Variants in CYTH3 observed in about 807,000 individuals in gnomAD.
CYTH3 encodes cytohesin 3, also known as cytohesin-3.
CYTH3 carries 23 observed loss-of-function variants against 55.1 expected under a neutral mutation model. The ratio of observed to expected loss-of-function variants is 0.42; its 90% confidence interval spans 0.30 to 0.59. The LOEUF is 0.59. Ranked by LOEUF, CYTH3 falls within the 20% of genes least tolerant of loss-of-function variation. The pLI, the probability that CYTH3 is intolerant of heterozygous loss-of-function variation, is 0.20. For missense variants in CYTH3, 413 were observed against 524.8 expected (o/e 0.79, Z 2.08); for synonymous variants, 249 against 194.9 (o/e 1.28, Z -2.31).
intron 1 of CYTH3, among the ~76,000 whole-genome samples, chr7:6,256,519 C>G (rs563824198): frequency 6.6e-6 from 1 of 152,356 alleles, no homozygotes; most frequent in Non-Finnish European, 1.5e-5. Flanking sequence ...ACAGTCCGCT[C>G]TTCACCAGAA....
At chr7:6,216,341 T>C (rs916562664) in intron 1 of CYTH3, among the ~76,000 whole-genome samples, 5 of 152,134 alleles carry the variant, frequency 3.3e-5, no homozygotes, top group Non-Finnish European at 7.4e-5. Context: ...TAGATGGTAA[T>C]TATATAAAAA....
In CYTH3 at chr7:6,210,724, CACA is replaced by C. The variant is rs1784302606; in HGVS notation, c.35-20196_35-20194del. 3.3e-5 allele frequency among the ~76,000 whole-genome samples: 5 copies of C among 152,296 alleles called. No homozygotes were observed. The South Asian group carries it at 1.0e-3, about 32-fold the overall frequency. On this transcript the variant is annotated intron_variant, in intron 1 of 12. Transcript: ENST00000350796. ...TTTCATTAACTCTGATGGATTCTGA[CACA>C]ACTTCACACATCATCTTGAGTAGTG...
chr7:6,190,530 C>T lies in CYTH3; in HGVS notation c.36G>A (p.Val12=), dbSNP rs780929167. 3.2e-5 allele frequency: 48 copies of T among 1,503,280 alleles called. No homozygotes were observed. Among genetic ancestry groups the T allele is most frequent in the South Asian group, 1.7e-4 (13 of 77,224 alleles). The allele number at this position is 1,503,280 out of a possible 1,614,324, so 93.1% of individuals were successfully genotyped here. A position where few individuals can be genotyped will look rare whatever the true frequency, so the allele number is the denominator to read the frequency against. ...DEDGGGEGGG[V]PEDLSLEERE... ...TCTCTTCTAATGAGAGGTCTTCAGG[C>T]ACTGAAAGAAGAAAAAAATAATTAA... is the stretch of plus-strand genomic sequence containing the variant. The change falls in exon 2 of 13, where the codon GTG becomes GTA. Residue 12 remains valine, a splice_region_variant and synonymous_variant. Transcript: ENST00000350796.
intron 4 of CYTH3, among the ~76,000 whole-genome samples, chr7:6,184,842 T>A (rs2128542528): frequency 6.6e-6 from 1 of 152,286 alleles, no homozygotes; most frequent in Admixed American, 6.5e-5. Flanking sequence ...CCTCCTAAAG[T>A]GCTGGGATTA....
At chr7:6,186,355 G>A (rs1346794994) in intron 4 of CYTH3, among the ~76,000 whole-genome samples, 2 of 151,468 alleles carry the variant, frequency 1.3e-5, no homozygotes, top group African/African-American at 4.9e-5. Context: ...CCTCAACCCT[G>A]AAGACTCAGG....
At position 6,170,444 on chromosome 7, in the gene CYTH3, G is replaced by A. The variant is rs1401609590; in HGVS notation, c.823+91C>T. 4 of 1,171,872 alleles carry A rather than the reference G, an allele frequency of 3.4e-6. No homozygotes were observed. In the African/African-American group the frequency reaches 4.6e-5, roughly 14 times the overall value. The allele number at this position is 1,171,872 out of a possible 1,614,324, so 72.6% of individuals were successfully genotyped here. A position where few individuals can be genotyped will look rare whatever the true frequency, so the allele number is the denominator to read the frequency against. On this transcript the variant is annotated intron_variant, in intron 9 of 12. Transcript: ENST00000350796. The surrounding 1 kb of genome is among the most constrained non-coding windows in gnomAD (Gnocchi z 7.8). ...TTTAACGTCTCTGCCTGCGGTGGGG[G>A]GCATTCCTACGATGAGCCTGGGAGG...
At chr7:6,245,334 T>C (rs1386148197) in intron 1 of CYTH3, among the ~76,000 whole-genome samples, 1 of 152,116 alleles carries the variant, frequency 6.6e-6, no homozygotes, top group Non-Finnish European at 1.5e-5. Flanking sequence ...CCTAAATTTG[T>C]ATTCTTTTTC....
At chr7:6,208,585 C>G (rs1297950935) in intron 1 of CYTH3, among the ~76,000 whole-genome samples, 3 of 152,204 alleles carry the variant, frequency 2.0e-5, no homozygotes, top group Non-Finnish European at 4.4e-5. Flanking sequence ...TCACTGTCAC[C>G]CAGGTTGGGG....
At chr7:6,198,261 T>C (rs1179585374) in intron 1 of CYTH3, among the ~76,000 whole-genome samples, 1 of 152,244 alleles carries the variant, frequency 6.6e-6, no homozygotes, top group Non-Finnish European at 1.5e-5. Context: ...TGTGATAAAG[T>C]ATTTCTGAAC....
At chr7:6,186,888 C>G (rs189630372) in intron 4 of CYTH3, among the ~76,000 whole-genome samples, 162 bp downstream of exon 4, 20 of 152,302 alleles carry the variant, frequency 1.3e-4, no homozygotes, top group Non-Finnish European at 7.4e-5. Flanking sequence ...TGCTTCACCC[C>G]ACTCGCGAAA....
intron 1 of CYTH3, among the ~76,000 whole-genome samples, chr7:6,204,048 AG>A (rs1784127052): frequency 6.6e-6 from 1 of 151,060 alleles, no homozygotes; most frequent in African/African-American, 2.4e-5. Context: ...TGTTCACAAT[AG>A]AAAAAAAAAA....
chr7:6,234,828 T>C (rs898450284), intron 1 of CYTH3, among the ~76,000 whole-genome samples: 5 of 152,200 alleles, frequency 3.3e-5, no homozygotes, highest in Non-Finnish European at 5.9e-5. Context: ...CTGGACTTCC[T>C]GCTAATTGGT....
chr7:6,215,786 T>C (rs1042801114), intron 1 of CYTH3, among the ~76,000 whole-genome samples: 7 of 152,010 alleles, frequency 4.6e-5, no homozygotes, highest in African/African-American at 1.5e-4. Flanking sequence ...AAGAGAAAAA[T>C]GTTTGAAACC....
Position 6,245,744 on chromosome 7 carries a change from A to C in CYTH3, c.34+26730T>G, listed in dbSNP as rs537085508. On this transcript the variant is annotated intron_variant, in intron 1 of 12. Transcript: ENST00000350796. ...ACATGGTGAAACCCCGTCTCTACTA[A>C]AAGTACAAAAGTAGCCAGCCATGGT... 2.0e-5 allele frequency among the ~76,000 whole-genome samples: 3 copies of C among 152,328 alleles called. No homozygotes were observed. The South Asian group carries it at 6.2e-4, about 32-fold the overall frequency.
intron 9 of CYTH3, 28 bp from the exon 10 acceptor site, chr7:6,165,838 G>T (rs200481566): frequency 1.2e-6 from 2 of 1,612,908 alleles, no homozygotes; most frequent in East Asian, 2.2e-5. Context: ...CCGTGAGTCT[G>T]CGCTCCGTGC....
At chr7:6,249,933 C>T (rs1157636127) in intron 1 of CYTH3, among the ~76,000 whole-genome samples, 2 of 152,192 alleles carry the variant, frequency 1.3e-5, no homozygotes, top group Admixed American at 6.5e-5. Flanking sequence ...TAACTGTAGT[C>T]ACAGGGCTGT....
At position 6,170,872 on chromosome 7, in the gene CYTH3, G is replaced by A. The variant is rs760525338; in HGVS notation, c.669C>T (p.Arg223=). 10 of 1,613,526 alleles carry A rather than the reference G, an allele frequency of 6.2e-6. No homozygotes were observed. The Admixed American group carries it at 1.5e-4, about 24-fold the overall frequency. ...GGAGGTCCCCGCCCTCGTTGATGCC[G>A]CGGTTCATGGCGATGAACCGTTCTG... The part of the protein sequence containing the change: ...PTAERFIAMN[R]GINEGGDLPE... The change falls in exon 8 of 13, where the codon CGC becomes CGT. Residue 223 remains arginine (R), a synonymous_variant. Coordinates refer to ENST00000350796, the MANE Select transcript of CYTH3 (RefSeq NM_004227.4). The surrounding 1 kb of genome is among the most constrained non-coding windows in gnomAD (Gnocchi z 7.8).
chr7:6,258,877 T>A (rs1206861090), intron 1 of CYTH3, among the ~76,000 whole-genome samples: 1 of 152,234 alleles, frequency 6.6e-6, no homozygotes, highest in African/African-American at 2.4e-5. Flanking sequence ...ACCCTCATAT[T>A]ATCAAATTGT....
At chr7:6,199,796 A>C (rs1041042345) in intron 1 of CYTH3, among the ~76,000 whole-genome samples, 7 of 152,244 alleles carry the variant, frequency 4.6e-5, no homozygotes, top group Admixed American at 4.6e-4. Context: ...CAAAGCAGAA[A>C]TAATACGACA....
Sources: allele counts gnomAD v4.1 joint callset (sites outside exome capture counted in the v4.1 genomes callset), GRCh38; gene constraint gnomAD v4.1.1; non-coding constraint Gnocchi (gnomAD v3.1); transcripts MANE v1.5; gene names NCBI Gene and HGNC (gene_info 2026-07-23, HGNC 2026-07-21).